The following SLIT3 variants were observed in gnomAD, a reference collection of about 807,000 sequenced individuals.
The protein encoded by SLIT3 is slit guidance ligand 3.
A neutral mutation model predicts 184.0 loss-of-function variants in SLIT3; 68 were observed. That is an observed-to-expected ratio of 0.37 (90% CI 0.30 to 0.45). SLIT3 has a LOEUF of 0.45. Ranked by LOEUF, SLIT3 falls within the 20% of genes least tolerant of loss-of-function variation. SLIT3 has a pLI of 1.00. For missense variants in SLIT3, 1,707 were observed against 2,026.0 expected, an observed-to-expected ratio of 0.84 and a Z score of 3.02; for synonymous variants, 831 against 828.6, an observed-to-expected ratio of 1.00 and a Z score of -0.05.
intron 3 of SLIT3, among the ~76,000 whole-genome samples, chr5:169,229,476 T>C (rs114174569): frequency 0.01 from 1,587 of 152,272 alleles, 34 homozygotes; most frequent in African/African-American, 0.034. Flanking sequence ...CATAAAAGAC[T>C]ATTAAGTTCA....
intron 3 of SLIT3, among the ~76,000 whole-genome samples, chr5:169,219,552 C>T (rs1764554991): frequency 6.6e-6 from 1 of 151,636 alleles, no homozygotes. Flanking sequence ...TCTGTCCATC[C>T]TGTTTGGGTG....
At position 168,809,794 on chromosome 5, in the gene SLIT3, G is replaced by A. The variant is rs1263992815; in HGVS notation, c.794-3207C>T. Among the ~76,000 whole-genome samples, 9 of 152,312 alleles carry A rather than the reference G, an allele frequency of 5.9e-5. No individual in the cohort carries two copies. The South Asian group carries it at 1.7e-3, about 28-fold the overall frequency. On this transcript the variant is annotated intron_variant, in intron 8 of 35. Coordinates refer to ENST00000519560, the MANE Select transcript of SLIT3 (RefSeq NM_003062.4). ...GCCCAGAAGCCTGGCACATGTGGAGGGGCTAAATGTCACAAAGCTACAGAG... is the reference window on the plus strand; with the variant it reads ...GCCCAGAAGCCTGGCACATGTGGAGAGGCTAAATGTCACAAAGCTACAGAG...
intron 34 of SLIT3, 138 bp downstream of exon 34, chr5:168,671,060 A>T: frequency 1.1e-6 from 1 of 935,510 alleles, no homozygotes; most frequent in Non-Finnish European, 1.6e-6. Context: ...CCTCTTAAGC[A>T]GTTACACTTA....
chr5:168,999,904 C>T (rs1755644068), intron 4 of SLIT3, among the ~76,000 whole-genome samples: 1 of 152,180 alleles, frequency 6.6e-6, no homozygotes. Context: ...AGCTCGATGG[C>T]CTTGTGGCTC....
chr5:168,749,937 G>A (rs970893923), intron 18 of SLIT3, among the ~76,000 whole-genome samples: 1 of 152,138 alleles, frequency 6.6e-6, no homozygotes, highest in Non-Finnish European at 1.5e-5. Flanking sequence ...TCCTTGCTGG[G>A]AACCCGTATC....
intron 5 of SLIT3, among the ~76,000 whole-genome samples, chr5:168,857,081 A>T (rs1240137459): frequency 6.6e-6 from 1 of 152,062 alleles, no homozygotes; most frequent in Non-Finnish European, 1.5e-5. Context: ...CACCGAGCTA[A>T]GTAAATCCGA....
At chr5:168,899,520 A>G (rs976109664) in intron 4 of SLIT3, among the ~76,000 whole-genome samples, 14 of 152,256 alleles carry the variant, frequency 9.2e-5, no homozygotes, top group African/African-American at 3.4e-4. Flanking sequence ...CCTCTTAAAA[A>G]AAAGCCCACA....
chr5:168,666,748 C>T (rs774532883), intron 35 of SLIT3, 59 bp from the exon 36 acceptor site: 3 of 1,611,626 alleles, frequency 1.9e-6, no homozygotes, highest in Non-Finnish European at 2.5e-6. Context: ...GGACCATGAG[C>T]AGTTCCCAGG....
In SLIT3 at chr5:169,160,661, T is replaced by C. The variant is rs77329696; in HGVS notation, c.413+32818A>G. Among the ~76,000 whole-genome samples the C allele has an allele frequency of 4.9e-3, 752 of 152,340 alleles. 11 individuals are homozygous for C. The highest frequency in any genetic ancestry group is 0.017 in the African/African-American group (711 of 41,574). On this transcript the variant is annotated intron_variant, in intron 4 of 35. Coordinates refer to ENST00000519560, the MANE Select transcript of SLIT3 (RefSeq NM_003062.4). ...CAGGACTTGAGATAAGCTGGAGGAA[T>C]GAATCAAGTGATACAACCCTATCCC...
chr5:168,786,117 C>T (rs558395018), intron 11 of SLIT3, 139 bp from the exon 12 acceptor site: 1 of 629,110 alleles, frequency 1.6e-6, no homozygotes, highest in Non-Finnish European at 2.8e-6. Flanking sequence ...CTAATCCCTT[C>T]TCATCAGCGA....
At chr5:169,056,876 T>TGGAA (rs567354916) in intron 4 of SLIT3, among the ~76,000 whole-genome samples, 3 of 152,200 alleles carry the variant, frequency 2.0e-5, no homozygotes, top group Non-Finnish European at 4.4e-5. Flanking sequence ...AACGCTCACA[T>TGGAA]GTTCTTCTTG....
chr5:169,094,773 C>A lies in SLIT3; in HGVS notation c.413+98706G>T, dbSNP rs78678106. 7.2e-5 allele frequency among the ~76,000 whole-genome samples: 11 copies of A among 152,246 alleles called. No individual in the cohort carries two copies. In the East Asian group the frequency reaches 2.1e-3, roughly 29 times the overall value. ...GAAGTTTGCTAACTGTGGCCCTAAC[C>A]TGCCACTGCTTTGTAAATAAAGCTT... On this transcript the variant is annotated intron_variant, in intron 4 of 35. Transcript: ENST00000519560.
intron 1 of SLIT3, among the ~76,000 whole-genome samples, chr5:169,264,057 A>G (rs1012380557): frequency 1.3e-5 from 2 of 148,786 alleles, no homozygotes; most frequent in African/African-American, 2.5e-5. Context: ...TATACCTCCT[A>G]CCTTCCAAAA....
chr5:169,176,211 G>C (rs767574378), intron 4 of SLIT3, among the ~76,000 whole-genome samples: 2 of 152,176 alleles, frequency 1.3e-5, no homozygotes, highest in Non-Finnish European at 2.9e-5. Flanking sequence ...CTTTTGCAGA[G>C]AGAGGGAAGG....
At chr5:169,031,909 A>G (rs1561619649) in intron 4 of SLIT3, among the ~76,000 whole-genome samples, 1 of 152,158 alleles carries the variant, frequency 6.6e-6, no homozygotes, top group East Asian at 1.9e-4. Flanking sequence ...CCCTTGAGGG[A>G]TTTTTTAATT....
At chr5:168,806,361 C>T (rs1756955978) in intron 9 of SLIT3, 85 bp downstream of exon 9, 1 of 1,473,390 alleles carries the variant, frequency 6.8e-7, no homozygotes, top group African/African-American at 1.4e-5. Context: ...GCCCCACACG[C>T]TGATGGCCTA....
intron 1 of SLIT3, among the ~76,000 whole-genome samples, chr5:169,283,643 G>A (rs1215431918): frequency 6.6e-6 from 1 of 152,144 alleles, no homozygotes; most frequent in Non-Finnish European, 1.5e-5. Flanking sequence ...TACAATGGAG[G>A]GGACTGAGGG....
chr5:168,876,772 A>G (rs1212145412), intron 5 of SLIT3, among the ~76,000 whole-genome samples: 2 of 152,212 alleles, frequency 1.3e-5, no homozygotes, highest in Admixed American at 1.3e-4. Flanking sequence ...AGTAAACTTA[A>G]TTTTGTCATC....
chr5:168,922,923 G>T (rs1761689867), intron 4 of SLIT3, among the ~76,000 whole-genome samples: 1 of 152,138 alleles, frequency 6.6e-6, no homozygotes, highest in South Asian at 2.1e-4. Flanking sequence ...AACATTTTGG[G>T]ATTCCCTTAA....
Sources: gnomAD v4.1 joint callset for allele counts (sites outside exome capture counted in the v4.1 genomes callset) on GRCh38, gnomAD v4.1.1 for gene constraint, MANE v1.5 for transcripts, NCBI Gene and HGNC (gene_info 2026-07-23, HGNC 2026-07-21) for gene names.